The following PTPRQ variants were observed in gnomAD, a reference collection of about 807,000 sequenced individuals.
PTPRQ encodes protein tyrosine phosphatase receptor type Q.
In PTPRQ, 199 loss-of-function variants were observed where a neutral mutation model predicts 246.0. The observed-to-expected ratio is 0.81, with a 90% confidence interval of 0.72 to 0.91. The LOEUF (loss-of-function observed/expected upper bound fraction) is 0.91, where lower values mean the gene tolerates loss of function less well. Among genes scored for constraint, PTPRQ ranks in the 40% least tolerant of loss-of-function variants. The probability of loss-of-function intolerance (pLI) is 0.00; values close to 1 mark genes in which losing one functional copy is unlikely to be tolerated. For synonymous variants in PTPRQ, 869 were observed against 853.2 expected (o/e 1.02, Z -0.32); for missense variants, 2,624 against 2,528.4 (o/e 1.04, Z -0.81).
intron 39 of PTPRQ, among the ~76,000 whole-genome samples, chr12:80,661,311 A>G (rs895487430): frequency 5.9e-4 from 88 of 148,656 alleles, no homozygotes; most frequent in African/African-American, 2.0e-3. Context: ...TTATATATGT[A>G]TATATATAAT....
At chr12:80,479,051 A>T (rs1431098308) in intron 8 of PTPRQ, among the ~76,000 whole-genome samples, 2 of 151,750 alleles carry the variant, frequency 1.3e-5, no homozygotes, top group Non-Finnish European at 2.9e-5. Context: ...CCTTGAGAAG[A>T]GCAACTCCAA....
At chr12:80,661,351 A>G (rs1900625401) in intron 39 of PTPRQ, among the ~76,000 whole-genome samples, 2 of 149,454 alleles carry the variant, frequency 1.3e-5, no homozygotes, top group Admixed American at 1.3e-4. Context: ...GTATGTATGT[A>G]TCTAGATATG....
intron 27 of PTPRQ, among the ~76,000 whole-genome samples, chr12:80,608,579 T>G (rs1898423991): frequency 6.7e-6 from 1 of 149,238 alleles, no homozygotes; most frequent in Non-Finnish European, 1.5e-5. Flanking sequence ...AATTATAAAT[T>G]TATAATTTAT....
rs1021201346 is a variant in PTPRQ at position 80,579,661 on chromosome 12, A to G, written c.4286-8468A>G. Reference sequence around the variant, plus strand: ...TATTGATTAAATTCAAGCTAGTGCAAAATTTGTAGCTGGTATGCTGAAATA... The same window carrying G: ...TATTGATTAAATTCAAGCTAGTGCAGAATTTGTAGCTGGTATGCTGAAATA... On this transcript the variant is annotated intron_variant, in intron 25 of 44. Coordinates refer to ENST00000644991, the MANE Select transcript of PTPRQ (RefSeq NM_001145026.2). Among the ~76,000 whole-genome samples, 5 of 152,192 alleles carry G rather than the reference A, an allele frequency of 3.3e-5. No homozygotes were observed. In the South Asian group the frequency reaches 6.2e-4, roughly 19 times the overall value.
In PTPRQ at chr12:80,459,565, A is replaced by AT. The variant is rs1259291227; in HGVS notation, c.660+87dup. The AT allele has an allele frequency of 7.6e-5, 30 of 397,070 alleles. No homozygotes were observed. In the East Asian group the frequency reaches 1.1e-3, roughly 14 times the overall value. 24.6% of individuals were successfully genotyped at this position (397,070 alleles called of 1,614,324 possible). On this transcript the variant is annotated intron_variant, in intron 5 of 44. Coordinates refer to ENST00000644991, the MANE Select transcript of PTPRQ (RefSeq NM_001145026.2). ...CATATTTCTAGCATCTAGATACTAT[A>AT]TTTTTACCAAAGTTTTATTAGTTAT...
At chr12:80,468,097 A>G (rs1483979994) in intron 6 of PTPRQ, among the ~76,000 whole-genome samples, 1 of 152,226 alleles carries the variant, frequency 6.6e-6, no homozygotes, top group Non-Finnish European at 1.5e-5. Flanking sequence ...AATATTTGGA[A>G]TTGTTTTATT....
chr12:80,586,561 A>G (rs573587468), intron 25 of PTPRQ: 1 of 152,242 alleles, frequency 6.6e-6, no homozygotes, highest in East Asian at 1.9e-4. Context: ...TACCCAAAGG[A>G]CTATAAATCA....
chr12:80,651,621 T>A (rs1900261624), intron 37 of PTPRQ, among the ~76,000 whole-genome samples: 1 of 152,062 alleles, frequency 6.6e-6, no homozygotes, highest in African/African-American at 2.4e-5. Context: ...ATCTAAACAA[T>A]CAACCTAGTG....
intron 17 of PTPRQ, among the ~76,000 whole-genome samples, chr12:80,527,367 C>A (rs180675885): frequency 2.0e-5 from 3 of 151,758 alleles, no homozygotes; most frequent in Admixed American, 2.0e-4. Flanking sequence ...AAAAATTGAC[C>A]CTTTTCCAAA....
At chr12:80,534,786 A>G in intron 18 of PTPRQ, 106 bp from the exon 19 acceptor site, 1 of 1,364,840 alleles carries the variant, frequency 7.3e-7, no homozygotes, top group Non-Finnish European at 9.7e-7. Context: ...TTTTTGAAAA[A>G]CATTTTTTAT....
chr12:80,610,017 G>A (rs1176530806), intron 27 of PTPRQ, among the ~76,000 whole-genome samples: 1 of 150,350 alleles, frequency 6.7e-6, no homozygotes, highest in Non-Finnish European at 1.5e-5. Flanking sequence ...AATTTTACAT[G>A]CATTGAAAGA....
At chr12:80,583,060 C>G (rs1216060740) in intron 25 of PTPRQ, among the ~76,000 whole-genome samples, 1 of 152,132 alleles carries the variant, frequency 6.6e-6, no homozygotes, top group African/African-American at 2.4e-5. Context: ...TGACACTCTT[C>G]TTCTTCAGGG....
At chr12:80,585,285 T>C (rs1247455132) in intron 25 of PTPRQ, among the ~76,000 whole-genome samples, 1 of 152,258 alleles carries the variant, frequency 6.6e-6, no homozygotes, top group East Asian at 1.9e-4. Flanking sequence ...CATTTTTTAT[T>C]CCTCTCTTTC....
Position 80,669,004 on chromosome 12 carries a change from T to G in PTPRQ, c.6193-3T>G. 1.3e-6 allele frequency: 2 copies of G among 1,548,526 alleles called. No individual in the cohort carries two copies. Among genetic ancestry groups the G allele is most frequent in the Non-Finnish European group, 1.7e-6 (2 of 1,145,128 alleles). On this transcript the variant is annotated splice_region_variant and splice_polypyrimidine_tract_variant and intron_variant, in intron 39 of 44. Transcript: ENST00000644991. ...TGCAGTGTTTGTAATTATATCCTTCTAGGGTTATTTATGTCCAAATGAATT... is the reference window on the plus strand; with the variant it reads ...TGCAGTGTTTGTAATTATATCCTTCGAGGGTTATTTATGTCCAAATGAATT...
chr12:80,625,181 T>C (rs1040797598), intron 33 of PTPRQ, among the ~76,000 whole-genome samples: 1 of 152,154 alleles, frequency 6.6e-6, no homozygotes, highest in African/African-American at 2.4e-5. Context: ...ATTCATATAA[T>C]ACCCCTGGTG....
chr12:80,531,156 A>G (rs1310610896), intron 17 of PTPRQ, among the ~76,000 whole-genome samples: 1 of 152,094 alleles, frequency 6.6e-6, no homozygotes, highest in East Asian at 1.9e-4. Flanking sequence ...ATAGCTAAAG[A>G]AATAAAAAAG....
chr12:80,547,747 TG>T (rs1896350159), intron 24 of PTPRQ, among the ~76,000 whole-genome samples: 4 of 152,150 alleles, frequency 2.6e-5, no homozygotes, highest in Admixed American at 2.6e-4. Context: ...CATCTCATAA[TG>T]TTGTTGTCAA....
At chr12:80,527,660 A>T (rs1024058597) in intron 17 of PTPRQ, among the ~76,000 whole-genome samples, 1 of 152,216 alleles carries the variant, frequency 6.6e-6, no homozygotes, top group Admixed American at 6.5e-5. Context: ...GAAAAAGCAC[A>T]TTTAATTTAA....
At chr12:80,475,268 C>T (rs907520121) in intron 8 of PTPRQ, among the ~76,000 whole-genome samples, 2 of 151,934 alleles carry the variant, frequency 1.3e-5, no homozygotes, top group Non-Finnish European at 2.9e-5. Context: ...TATATAACAC[C>T]TTCAAAATTA....
Sources: gnomAD v4.1 joint callset for allele counts (sites outside exome capture counted in the v4.1 genomes callset) on GRCh38, gnomAD v4.1.1 for gene constraint, MANE v1.5 for transcripts, NCBI Gene and HGNC (gene_info 2026-07-23, HGNC 2026-07-21) for gene names.